PMPCA: variants seen among roughly 807,000 people sequenced by gnomAD.
PMPCA encodes peptidase, mitochondrial processing subunit alpha.
PMPCA carries 47 observed loss-of-function variants against 59.3 expected under a neutral mutation model. The observed-to-expected ratio is 0.79, with a 90% CI of 0.63 to 1.01. The LOEUF (loss-of-function observed/expected upper bound fraction) is 1.01. Ranked by LOEUF, PMPCA falls within the 50% of genes least tolerant of loss-of-function variation. PMPCA has a pLI of 0.00. For missense variants in PMPCA, 726 were observed against 704.5 expected, an observed-to-expected ratio of 1.03 and a Z score of -0.34; for synonymous variants, 338 against 290.3, an observed-to-expected ratio of 1.16 and a Z score of -1.67.
At chr9:136,418,482 C>T in intron 8 of PMPCA, 73 bp from the exon 9 acceptor site, 3 of 966,290 alleles carry the variant, frequency 3.1e-6, no homozygotes, top group South Asian at 1.4e-5. Flanking sequence ...GCTCTGCCCT[C>T]CGTCCCTGGC....
In PMPCA at chr9:136,410,690, G is replaced by A. The variant is rs779615213; in HGVS notation, c.22G>A (p.Ala8Thr). ...CAAGATGGCGGCTGTGGTGCTGGCG[G>A]CGACGCGGTTGCTGCGGGGCTCGGG... MAAVVLA[A>T]TRLLRGSGSW... Residue 8 changes from alanine (A) to threonine (T), a missense_variant, in exon 1 of 13, where the codon GCG becomes ACG. Coordinates refer to ENST00000371717, the MANE Select transcript of PMPCA (RefSeq NM_015160.3). 5 of 1,417,398 alleles carry A rather than the reference G, an allele frequency of 3.5e-6. No individual in the cohort carries two copies. The East Asian group carries it at 1.1e-4, about 31-fold the overall frequency. The allele number at this position is 1,417,398 out of a possible 1,614,324, so 87.8% of individuals were successfully genotyped here.
Position 136,423,675 on chromosome 9 carries a change from A to G in PMPCA, c.*411A>G, listed in dbSNP as rs1835527311. 1 of 192,896 alleles carries G rather than the reference A, an allele frequency of 5.2e-6. No individual in the cohort carries two copies. Among genetic ancestry groups the G allele is most frequent in the Non-Finnish European group, 1.1e-5 (1 of 91,768 alleles). The allele number at this position is 192,896 out of a possible 1,614,324, so 11.9% of individuals were successfully genotyped here. On this transcript the variant is annotated 3_prime_UTR_variant, in exon 13 of 13. Coordinates refer to ENST00000371717, the MANE Select transcript of PMPCA (RefSeq NM_015160.3). ...AGGACTCACCTCTGACAAGCAGGAGAAGGTAAGGGCCCGGTCAGCTCCAAG... is the reference window on the plus strand; with the variant it reads ...AGGACTCACCTCTGACAAGCAGGAGGAGGTAAGGGCCCGGTCAGCTCCAAG...
Position 136,416,332 on chromosome 9 carries a change from C to G in PMPCA, c.574C>G (p.Leu192Val). 1 of 1,613,954 alleles carries G rather than the reference C, an allele frequency of 6.2e-7. No individual in the cohort carries two copies. The highest frequency in any genetic ancestry group is 1.1e-5 in the South Asian group (1 of 91,070). The change falls in exon 6 of 13, where the codon CTG becomes GTG. Residue 192 changes from leucine (L) to valine (V), a missense_variant. Transcript: ENST00000371717. ...GACGCGGATGGCGGTCCAGTTTGAG[C>G]TGGAGGACCTGAACCTGCGGCCTGA... The part of the protein sequence containing the change: ...EMTRMAVQFE[L>V]EDLNLRPDPE...
rs1215303041 is a variant in PMPCA, at chr9:136,418,643, T to C, written c.1079T>C (p.Phe360Ser). The C allele has an allele frequency of 6.2e-7, 1 of 1,612,724 alleles. No individual in the cohort carries two copies. Among genetic ancestry groups the C allele is most frequent in the Non-Finnish European group, 8.5e-7 (1 of 1,178,814 alleles). The part of the protein sequence containing the change: ...FSAGGPGKGM[F>S]SRLYLNVLNR... ...GCTGGTGGGCCCGGCAAGGGCATGT[T>C]CTCCAGGCTCTACCTCAACGTGCTC... The change falls in exon 9 of 13, where the codon TTC (phenylalanine) becomes TCC (serine). Residue 360 changes from phenylalanine to serine, a missense_variant. Physicochemically the swap from Phe to Ser is radical, Grantham distance 155. Transcript: ENST00000371717.
intron 12 of PMPCA, chr9:136,422,572 G>C (rs1480272502): frequency 2.0e-6 from 2 of 1,017,092 alleles, no homozygotes; most frequent in Non-Finnish European, 2.4e-6. Flanking sequence ...CCGGGCACTT[G>C]CCCTGTCCCG....
intron 11 of PMPCA, chr9:136,420,876 G>A (rs1469308344): frequency 1.3e-5 from 2 of 151,856 alleles, no homozygotes; most frequent in Non-Finnish European, 2.9e-5. Context: ...AGGATCACTT[G>A]AGCCCAGGAG....
At chr9:136,422,002 GC>G (rs1266367614) in intron 12 of PMPCA, 26 bp downstream of exon 12, 1 of 1,589,578 alleles carries the variant, frequency 6.3e-7, no homozygotes, top group Non-Finnish European at 8.6e-7. Flanking sequence ...GTAGTGAGGG[GC>G]TGCCGCAGGC....
chr9:136,418,713 C>T, intron 9 of PMPCA, 40 bp downstream of exon 9: 1 of 1,524,434 alleles, frequency 6.6e-7, no homozygotes, highest in Non-Finnish European at 9.1e-7. Flanking sequence ...GCCACCAGGC[C>T]AGGCCAGGTG....
intron 1 of PMPCA, chr9:136,411,071 C>T (rs757948148): frequency 1.4e-5 from 4 of 288,554 alleles, no homozygotes; most frequent in African/African-American, 2.2e-5. Context: ...GGTGGGGGCC[C>T]AGCTCTGTTA....
intron 1 of PMPCA, 52 bp from the exon 2 acceptor site, chr9:136,411,945 A>G: frequency 9.4e-7 from 1 of 1,065,568 alleles, no homozygotes; most frequent in South Asian, 1.3e-5. Context: ...ACAGGTCATC[A>G]CAGGTTTGTT....
At chr9:136,422,173 C>T (rs959241684) in intron 12 of PMPCA, 197 bp downstream of exon 12, 16 of 1,522,684 alleles carry the variant, frequency 1.1e-5, no homozygotes, top group Non-Finnish European at 1.3e-5. Flanking sequence ...CACTTCCCGG[C>T]CCCACCATGC....
rs547879293 is a variant in PMPCA at position 136,416,551 on chromosome 9, A to C, written c.633+160A>C. On this transcript the variant is annotated intron_variant, in intron 6 of 12. Coordinates refer to ENST00000371717, the MANE Select transcript of PMPCA (RefSeq NM_015160.3). ...GAGATGAGGTTTCTCCACATTGCCT[A>C]CGCTGGTCTTGCACTCCTGGGCTCA... 150 of 683,736 alleles carry C rather than the reference A, an allele frequency of 2.2e-4. 1 individual carries two copies. Among genetic ancestry groups the C allele is most frequent in the Middle Eastern group, 1.5e-3 (5 of 3,374 alleles). 42.4% of individuals were successfully genotyped at this position (683,736 alleles called of 1,614,324 possible).
At chr9:136,420,128 T>C (rs1192696796) in intron 11 of PMPCA, 3 of 135,766 alleles carry the variant, frequency 2.2e-5, no homozygotes, top group Non-Finnish European at 4.6e-5. Flanking sequence ...TACAGGCATG[T>C]GTCACCACCC....
intron 12 of PMPCA, chr9:136,422,551 G>A: frequency 9.8e-7 from 1 of 1,015,956 alleles, no homozygotes. Context: ...CTCCTTTCCA[G>A]GCCTGGAGTC....
At position 136,416,004 on chromosome 9, in the gene PMPCA, C is replaced by T. The variant is rs578144033; in HGVS notation, c.533-287C>T. Reference sequence around the variant, plus strand: ...CAGCAGCACTTGGGACAGACAGGTCCAGTGTCTTCGGTGCCTTTCACCAGC... The same window carrying T: ...CAGCAGCACTTGGGACAGACAGGTCTAGTGTCTTCGGTGCCTTTCACCAGC... On this transcript the variant is annotated intron_variant, in intron 5 of 12. Transcript: ENST00000371717. 104 of 525,076 alleles carry T rather than the reference C, an allele frequency of 2.0e-4. No individual in the cohort carries two copies. In the Admixed American group the frequency reaches 3.1e-3, roughly 15 times the overall value. 32.5% of individuals were successfully genotyped at this position (525,076 alleles called of 1,614,324 possible).
chr9:136,412,098 C>A lies in PMPCA; in HGVS notation c.173C>A (p.Thr58Lys), dbSNP rs1172447345. 1.2e-6 allele frequency: 2 copies of A among 1,613,038 alleles called. No homozygotes were observed. Among genetic ancestry groups the A allele is most frequent in the African/African-American group, 2.7e-5 (2 of 74,904 alleles). ...GGAGTACCCAAGCCTGTTTTTGCTA[C>A]AGTTGATGGACAGGAAAAGTTTGAA... Reference protein sequence around the residue: ...LPGVPKPVFATVDGQEKFETK... With the variant: ...LPGVPKPVFAKVDGQEKFETK... Residue 58 changes from threonine (T) to lysine (K), a missense_variant, in exon 2 of 13, where the codon ACA becomes AAA. Coordinates refer to ENST00000371717, the MANE Select transcript of PMPCA (RefSeq NM_015160.3).
At position 136,412,033 on chromosome 9, in the gene PMPCA, T is replaced by A. The variant is rs775740162; in HGVS notation, c.108T>A (p.Gly36=). Residue 36 remains glycine, a synonymous_variant, in exon 2 of 13, where the codon GGT becomes GGA. Transcript: ENST00000371717. ...CTGCGTACAGACGGTTTAGTAGTGG[T>A]GGTGCCTATCCCAACATCCCCCTCT... The part of the protein sequence containing the change: ...GPPAYRRFSS[G]GAYPNIPLSS... The A allele has an allele frequency of 4.3e-6, 7 of 1,613,218 alleles. No homozygotes were observed. Among genetic ancestry groups the A allele is most frequent in the Admixed American group, 1.7e-5 (1 of 60,004 alleles).
At chr9:136,422,263 A>G (rs1358708418) in intron 12 of PMPCA, 1 of 1,341,396 alleles carries the variant, frequency 7.5e-7, no homozygotes, top group Non-Finnish European at 9.7e-7. Context: ...GTTGTTAAAG[A>G]GCACTCAAGT....
At chr9:136,422,104 A>G in intron 12 of PMPCA, 128 bp downstream of exon 12, 2 of 1,545,646 alleles carry the variant, frequency 1.3e-6, no homozygotes, top group Non-Finnish European at 1.7e-6. Flanking sequence ...TGGGGCCTTC[A>G]CCAGTTGTCC....
Sources: allele counts gnomAD v4.1 joint callset, GRCh38; gene constraint gnomAD v4.1.1; transcripts MANE v1.5; gene names NCBI Gene and HGNC (gene_info 2026-07-23, HGNC 2026-07-21).